The following GRID2 variants were observed in gnomAD, a reference collection of about 807,000 sequenced individuals.
The protein encoded by GRID2 is glutamate ionotropic receptor delta type subunit 2.
Under a neutral mutation model 114.8 loss-of-function variants are expected in GRID2, and 33 were observed. The observed-to-expected ratio is 0.29, with a 90% CI of 0.22 to 0.38. GRID2 has a LOEUF of 0.38. Ranked by LOEUF, GRID2 falls within the 10% of genes least tolerant of loss-of-function variation. The pLI is 1.00. For missense variants in GRID2, 1,184 were observed against 1,257.7 expected, an observed-to-expected ratio of 0.94 and a Z score of 0.89; for synonymous variants, 505 against 449.9, an observed-to-expected ratio of 1.12 and a Z score of -1.55.
intron 2 of GRID2, among the ~76,000 whole-genome samples, chr4:92,669,387 G>A (rs901617971): frequency 1.6e-4 from 25 of 151,842 alleles, no homozygotes; most frequent in African/African-American, 5.8e-4. Flanking sequence ...TTCTGTCAGC[G>A]TGGTAGGGTA....
intron 1 of GRID2, among the ~76,000 whole-genome samples, chr4:92,323,453 TA>T (rs1726426519): frequency 6.6e-6 from 1 of 152,090 alleles, no homozygotes; most frequent in South Asian, 2.1e-4. Context: ...TAGATTCTCC[TA>T]AAAGTTTTTT....
At chr4:93,452,824 T>C (rs1031188275) in intron 10 of GRID2, among the ~76,000 whole-genome samples, 1 of 151,982 alleles carries the variant, frequency 6.6e-6, no homozygotes, top group Non-Finnish European at 1.5e-5. Flanking sequence ...TGATTATTTC[T>C]GGTTATGTTG....
chr4:92,357,832 G>A (rs1452464291), intron 1 of GRID2, among the ~76,000 whole-genome samples: 1 of 151,766 alleles, frequency 6.6e-6, no homozygotes, highest in Non-Finnish European at 1.5e-5. Context: ...TATTGAACAA[G>A]TCATTAAAAC....
chr4:93,325,475 A>G (rs998723212), intron 8 of GRID2, among the ~76,000 whole-genome samples: 4 of 151,908 alleles, frequency 2.6e-5, no homozygotes, highest in Admixed American at 2.0e-4. Flanking sequence ...CCTGTTTTTC[A>G]TATTTTTCAT....
At chr4:92,546,271 C>T (rs1456747823) in intron 1 of GRID2, among the ~76,000 whole-genome samples, 1 of 152,010 alleles carries the variant, frequency 6.6e-6, no homozygotes, top group East Asian at 1.9e-4. Flanking sequence ...AACCAACATG[C>T]AAAAGAAAGG....
chr4:93,519,191 A>C (rs1730099779), intron 13 of GRID2, among the ~76,000 whole-genome samples: 1 of 152,130 alleles, frequency 6.6e-6, no homozygotes, highest in African/African-American at 2.4e-5. Context: ...GTGGGATATC[A>C]AACCTCAGGA....
At chr4:92,970,733 TA>T (rs1560756923) in intron 2 of GRID2, among the ~76,000 whole-genome samples, 1 of 151,984 alleles carries the variant, frequency 6.6e-6, no homozygotes, top group African/African-American at 2.4e-5. Flanking sequence ...CTGATAGAAT[TA>T]TTTCCAAATA....
intron 14 of GRID2, among the ~76,000 whole-genome samples, chr4:93,736,808 A>AT (rs11339696): frequency 6.1e-5 from 9 of 148,074 alleles, no homozygotes; most frequent in Non-Finnish European, 7.5e-5. Flanking sequence ...CATGGCTCCA[A>AT]TTTTTTTTTG....
chr4:93,055,460 G>T (rs2149286080), intron 2 of GRID2, among the ~76,000 whole-genome samples: 1 of 151,772 alleles, frequency 6.6e-6, no homozygotes, highest in Non-Finnish European at 1.5e-5. Flanking sequence ...CATGGCACAT[G>T]TATACATATG....
At chr4:93,737,267 A>G (rs1262406310) in intron 14 of GRID2, among the ~76,000 whole-genome samples, 1 of 152,118 alleles carries the variant, frequency 6.6e-6, no homozygotes, top group African/African-American at 2.4e-5. Flanking sequence ...TTCTGCAAAT[A>G]ACTTTAAGAT....
rs527724175 is a variant in GRID2 at position 92,433,399 on chromosome 4, C to T, written c.88+128655C>T. On this transcript the variant is annotated intron_variant, in intron 1 of 15. Coordinates refer to ENST00000282020, the MANE Select transcript of GRID2 (RefSeq NM_001510.4). ...GCCAGAGTGCTTTAGCCTGCAATGG[C>T]GGTGCTTGCCAGAACTTAGGTTCCG... Among the ~76,000 whole-genome samples the T allele has an allele frequency of 4.6e-5, 7 of 152,330 alleles. No homozygotes were observed. In the South Asian group the frequency reaches 1.2e-3, roughly 27 times the overall value.
At chr4:93,101,123 G>C (rs914729189) in intron 3 of GRID2, among the ~76,000 whole-genome samples, 1 of 151,896 alleles carries the variant, frequency 6.6e-6, no homozygotes, top group African/African-American at 2.4e-5. Flanking sequence ...AGATTTATTT[G>C]TTTATGTTTC....
intron 9 of GRID2, among the ~76,000 whole-genome samples, chr4:93,416,578 C>T (rs1767731784): frequency 6.6e-6 from 1 of 152,010 alleles, no homozygotes; most frequent in Admixed American, 6.6e-5. Flanking sequence ...TCAGTAAAGC[C>T]TTGGCAGTAG....
intron 2 of GRID2, among the ~76,000 whole-genome samples, chr4:92,745,530 A>G (rs1737109784): frequency 6.6e-6 from 1 of 152,182 alleles, no homozygotes. Context: ...AGCTTTGATA[A>G]TGTCTAAATA....
At chr4:93,677,948 T>G (rs1725075941) in intron 14 of GRID2, among the ~76,000 whole-genome samples, 1 of 96,818 alleles carries the variant, frequency 1.0e-5, no homozygotes, top group Non-Finnish European at 1.9e-5. Context: ...TTTGACGAGT[T>G]GAGAGAAGGC....
intron 14 of GRID2, among the ~76,000 whole-genome samples, chr4:93,730,971 C>T (rs895587719): frequency 6.6e-6 from 1 of 152,182 alleles, no homozygotes; most frequent in Non-Finnish European, 1.5e-5. Flanking sequence ...CCAAGCCCGG[C>T]GTGGGGAGGG....
chr4:93,472,050 C>A (rs562226447), intron 11 of GRID2, among the ~76,000 whole-genome samples: 2 of 151,138 alleles, frequency 1.3e-5, no homozygotes, highest in Non-Finnish European at 1.5e-5. Context: ...TTTGGCCAGG[C>A]GCGGTGGCTC....
intron 1 of GRID2, among the ~76,000 whole-genome samples, chr4:92,438,960 G>C (rs577021958): frequency 2.0e-5 from 3 of 152,024 alleles, no homozygotes; most frequent in Non-Finnish European, 2.9e-5. Context: ...CATTTCATGC[G>C]CGTCCCTGTG....
At chr4:92,896,752 T>A (rs535879739) in intron 2 of GRID2, among the ~76,000 whole-genome samples, 16 of 152,192 alleles carry the variant, frequency 1.1e-4, no homozygotes, top group African/African-American at 3.9e-4. Flanking sequence ...TTGTTTCTTT[T>A]GTGTGTGTGA....
Sources: allele counts gnomAD v4.1 joint callset (sites outside exome capture counted in the v4.1 genomes callset), GRCh38; gene constraint gnomAD v4.1.1; transcripts MANE v1.5; gene names NCBI Gene and HGNC (gene_info 2026-07-23, HGNC 2026-07-21).